The following SCARA3 variants were observed in gnomAD, a reference collection of about 807,000 sequenced individuals.
The protein encoded by SCARA3 is cellular stress response gene protein.
Under a neutral mutation model 47.0 loss-of-function variants are expected in SCARA3, and 39 were observed. The ratio of observed to expected loss-of-function variants is 0.83; its 90% CI spans 0.64 to 1.08. The LOEUF is 1.08. Among genes scored for constraint, SCARA3 ranks in the 50% least tolerant of loss-of-function variants. SCARA3 has a pLI of 0.00. For synonymous variants in SCARA3, 356 were observed against 334.1 expected (o/e 1.07, Z -0.71); for missense variants, 724 against 792.3 (o/e 0.91, Z 1.04).
At chr8:27,711,417 C>T in the SCARA3 span, among the ~76,000 whole-genome samples, 1 of 152,204 alleles carries the variant, frequency 6.6e-6, no homozygotes, top group Admixed American at 6.5e-5. Context: ...CTTTGTCCTC[C>T]TCAAGTTAGT....
the SCARA3 span, among the ~76,000 whole-genome samples, chr8:27,709,790 A>C: frequency 1.3e-5 from 2 of 152,078 alleles, no homozygotes; most frequent in East Asian, 3.9e-4. Flanking sequence ...CACCTACTTC[A>C]TCACTTAGCC....
At chr8:27,680,743 T>C (rs952293659), downstream of SCARA3, among the ~76,000 whole-genome samples, 1 of 152,096 alleles carries the variant, frequency 6.6e-6, no homozygotes, top group African/African-American at 2.4e-5. Flanking sequence ...TCTTAACAAA[T>C]TGAATTAGCA....
chr8:27,648,322 G>C (rs1326199893), intron 1 of SCARA3, among the ~76,000 whole-genome samples: 1 of 152,214 alleles, frequency 6.6e-6, no homozygotes, highest in Non-Finnish European at 1.5e-5. Context: ...AAAACAAAAA[G>C]GAGGCAGGGC....
chr8:27,659,350 G>T lies in SCARA3; in HGVS notation c.1180G>T (p.Glu394Ter). 2 of 1,614,074 alleles carry T rather than the reference G, an allele frequency of 1.2e-6. No individual in the cohort carries two copies. The highest frequency in any genetic ancestry group is 8.5e-7 in the Non-Finnish European group (1 of 1,180,018). Reference protein sequence around the residue: ...SCTLGFHTHAEELYYLNKSVS... With the variant: ...SCTLGFHTHA ...CACGCTGGGCTTCCACACCCATGCC[G>T]AGGAGCTCTACTACCTGAACAAGTC... The change falls in exon 5 of 6, where the codon GAG becomes TAG. Residue 394 changes from glutamate to a stop codon, truncating the protein, a stop_gained. Coordinates refer to ENST00000301904, the MANE Select transcript of SCARA3 (RefSeq NM_016240.3). LOFTEE classifies it high-confidence loss of function.
At chr8:27,637,388 T>G (rs1017947853) in intron 1 of SCARA3, among the ~76,000 whole-genome samples, 1 of 152,202 alleles carries the variant, frequency 6.6e-6, no homozygotes, top group African/African-American at 2.4e-5. Flanking sequence ...TGGGGTTGTT[T>G]CCACACTTCC....
downstream of SCARA3, among the ~76,000 whole-genome samples, chr8:27,675,789 C>T (rs1282851929): frequency 6.6e-6 from 1 of 150,924 alleles, no homozygotes; most frequent in African/African-American, 2.4e-5. Flanking sequence ...GACTCCATCT[C>T]TAAATAAATG....
chr8:27,650,546 T>C (rs780859799), intron 2 of SCARA3, among the ~76,000 whole-genome samples: 1 of 152,190 alleles, frequency 6.6e-6, no homozygotes, highest in Non-Finnish European at 1.5e-5. Flanking sequence ...CATGGATGCA[T>C]GAGACCAACC....
chr8:27,723,482 A>T, the SCARA3 span, among the ~76,000 whole-genome samples: 2 of 152,116 alleles, frequency 1.3e-5, no homozygotes, highest in South Asian at 4.1e-4. Flanking sequence ...TAGAGTCTTA[A>T]TCTCACTCCG....
chr8:27,689,380 C>T, the SCARA3 span, among the ~76,000 whole-genome samples: 27 of 152,160 alleles, frequency 1.8e-4, no homozygotes, highest in African/African-American at 6.3e-4. Context: ...GGAAGAGGAA[C>T]GAGGAAGGGA....
At chr8:27,673,136 A>C, downstream of SCARA3, 38 of 339,852 alleles carry the variant, frequency 1.1e-4, no homozygotes, top group South Asian at 2.3e-4. Flanking sequence ...ATTCAATCTC[A>C]CTGGAGTTGG....
At chr8:27,661,544 T>G (rs973647891) in intron 5 of SCARA3, among the ~76,000 whole-genome samples, 2 of 152,040 alleles carry the variant, frequency 1.3e-5, no homozygotes, top group African/African-American at 4.8e-5. Context: ...CACAGATATA[T>G]TCATTAAAAA....
the SCARA3 span, chr8:27,733,474 C>T: frequency 6.6e-6 from 1 of 152,252 alleles, no homozygotes; most frequent in African/African-American, 2.4e-5. Context: ...GGAAGGAGCT[C>T]TCACGAAGTG....
At chr8:27,730,016 C>T in the SCARA3 span, among the ~76,000 whole-genome samples, 7 of 152,126 alleles carry the variant, frequency 4.6e-5, no homozygotes, top group Middle Eastern at 3.4e-3. Flanking sequence ...GCAGGCTGGG[C>T]GTGGGGAGAG....
intron 3 of SCARA3, 68 bp from the exon 4 acceptor site, chr8:27,656,714 C>T (rs576242432): frequency 2.0e-6 from 2 of 985,092 alleles, no homozygotes; most frequent in East Asian, 4.8e-5. Flanking sequence ...AAGATGCCTT[C>T]TCAAGGAATG....
chr8:27,636,667 G>C (rs1489583012), intron 1 of SCARA3, among the ~76,000 whole-genome samples: 5 of 152,108 alleles, frequency 3.3e-5, no homozygotes, highest in African/African-American at 1.2e-4. Flanking sequence ...GTGCCGAGCG[G>C]GATTCCTGTC....
Position 27,659,367 on chromosome 8 carries a change from G to A in SCARA3, c.1197G>A (p.Leu399=), listed in dbSNP as rs371553386. Residue 399 remains leucine, a synonymous_variant, in exon 5 of 6, where the codon CTG becomes CTA. Transcript: ENST00000301904. ...FHTHAEELYY[L]NKSVSIMLGT... ...CCCATGCCGAGGAGCTCTACTACCTGAACAAGTCTGTCTCCATCATGCTGG... is the reference window on the plus strand; with the variant it reads ...CCCATGCCGAGGAGCTCTACTACCTAAACAAGTCTGTCTCCATCATGCTGG... 11 of 1,613,956 alleles carry A rather than the reference G, an allele frequency of 6.8e-6. No homozygotes were observed. In the African/African-American group the frequency reaches 1.1e-4, roughly 16 times the overall value.
At chr8:27,731,659 A>C in the SCARA3 span, among the ~76,000 whole-genome samples, 1 of 151,844 alleles carries the variant, frequency 6.6e-6, no homozygotes, top group Non-Finnish European at 1.5e-5. Flanking sequence ...AAAAAAAAAA[A>C]AAAAATGCTG....
chr8:27,707,821 C>CAAA, the SCARA3 span, among the ~76,000 whole-genome samples: 2,801 of 142,380 alleles, frequency 0.02, 30 homozygotes, highest in East Asian at 0.038. Flanking sequence ...GAAAAACTTC[C>CAAA]AAAAAAAAAA....
At chr8:27,701,722 G>A in the SCARA3 span, 1 of 150,204 alleles carries the variant, frequency 6.7e-6, no homozygotes, top group African/African-American at 2.5e-5. Context: ...GCAGGGAGCT[G>A]AGCTCACCTG....
Sources: gnomAD v4.1 joint callset for allele counts (sites outside exome capture counted in the v4.1 genomes callset) on GRCh38, gnomAD v4.1.1 for gene constraint, MANE v1.5 for transcripts, NCBI Gene and HGNC (gene_info 2026-07-23, HGNC 2026-07-21) for gene names.